The following CRYL1 variants were observed in gnomAD, a reference collection of about 807,000 sequenced individuals.
CRYL1 encodes the protein lambda-crystallin homolog.
CRYL1 carries 29 observed loss-of-function variants against 36.6 expected under a neutral mutation model. The ratio of observed to expected loss-of-function variants is 0.79; its 90% CI spans 0.59 to 1.08. CRYL1 has a LOEUF of 1.08. CRYL1 is among the 50% of genes least tolerant of loss of function. The pLI is 0.00. For missense variants in CRYL1, 411 were observed against 407.9 expected, an observed-to-expected ratio of 1.01 and a Z score of -0.06; for synonymous variants, 152 against 151.5, an observed-to-expected ratio of 1.00 and a Z score of -0.02.
chr13:20,462,431 C>T (rs1431049456), intron 3 of CRYL1, among the ~76,000 whole-genome samples: 2 of 150,088 alleles, frequency 1.3e-5, no homozygotes, highest in Admixed American at 1.3e-4. Flanking sequence ...AGCCAGGCCT[C>T]TTAGGAAGAG....
At chr13:20,514,768 A>G (rs570707429) in intron 1 of CRYL1, among the ~76,000 whole-genome samples, 1 of 152,322 alleles carries the variant, frequency 6.6e-6, no homozygotes, top group African/African-American at 2.4e-5. Context: ...GTGAGATGAC[A>G]TATGAAAACT....
intron 5 of CRYL1, among the ~76,000 whole-genome samples, chr13:20,423,151 AATTT>A (rs1475978115): frequency 1.3e-4 from 20 of 152,296 alleles, no homozygotes; most frequent in African/African-American, 4.6e-4. Flanking sequence ...AACTTTACTG[AATTT>A]ATTTATCAGT....
chr13:20,434,598 C>G (rs1356948641), intron 4 of CRYL1, among the ~76,000 whole-genome samples: 1 of 143,806 alleles, frequency 7.0e-6, no homozygotes, highest in East Asian at 2.1e-4. Flanking sequence ...CACCCACACC[C>G]ACACGCGCCC....
intron 3 of CRYL1, among the ~76,000 whole-genome samples, chr13:20,459,071 T>TA (rs1177863728): frequency 1.3e-5 from 2 of 151,704 alleles, no homozygotes; most frequent in East Asian, 3.9e-4. Context: ...CCGTCTCTAC[T>TA]AAAAAATACA....
intron 3 of CRYL1, among the ~76,000 whole-genome samples, chr13:20,445,582 A>G (rs989518400): frequency 1.3e-5 from 2 of 152,188 alleles, no homozygotes; most frequent in Non-Finnish European, 2.9e-5. Context: ...TTCATAAGCA[A>G]TGTCTCATAC....
At chr13:20,446,116 T>C (rs1333989394) in intron 3 of CRYL1, among the ~76,000 whole-genome samples, 3 of 152,206 alleles carry the variant, frequency 2.0e-5, no homozygotes, top group African/African-American at 7.2e-5. Flanking sequence ...ATTTATTTTT[T>C]ATTTATTTAT....
chr13:20,512,487 A>G lies in CRYL1; in HGVS notation c.105T>C (p.Tyr35=). 2 of 1,614,156 alleles carry G rather than the reference A, an allele frequency of 1.2e-6. No homozygotes were observed. The highest frequency in any genetic ancestry group is 1.7e-6 in the Non-Finnish European group (2 of 1,180,006). ...FASGGFQVKL[Y]DIEQQQIRNA... ...TCCTTATCTGCTGTTGCTCAATGTC[A>G]TAGAGTTTCACCTGGAAGCCTCCAC... Residue 35 remains tyrosine (Y), a synonymous_variant, in exon 2 of 8, where the codon TAT becomes TAC. Transcript: ENST00000298248.
At chr13:20,416,101 C>T (rs2031656511) in intron 5 of CRYL1, among the ~76,000 whole-genome samples, 1 of 151,808 alleles carries the variant, frequency 6.6e-6, no homozygotes, top group Non-Finnish European at 1.5e-5. Flanking sequence ...GAAGAGGTCC[C>T]GTCGCGCCTC....
At chr13:20,460,758 A>C (rs9578282) in intron 3 of CRYL1, among the ~76,000 whole-genome samples, 8,885 of 152,072 alleles carry the variant, frequency 0.058, 850 homozygotes, top group African/African-American at 0.2. Context: ...ATCTCCTGAC[A>C]TCGTGATCTG....
intron 3 of CRYL1, among the ~76,000 whole-genome samples, chr13:20,450,853 C>T: frequency 6.6e-6 from 1 of 152,054 alleles, no homozygotes; most frequent in Non-Finnish European, 1.5e-5. Flanking sequence ...AAATGTGGCA[C>T]ATATACACCA....
rs904560371 is a variant in CRYL1 at position 20,422,717 on chromosome 13, C to T, written c.634-9330G>A. On this transcript the variant is annotated intron_variant, in intron 5 of 7. Coordinates refer to ENST00000298248, the MANE Select transcript of CRYL1 (RefSeq NM_015974.3). ...TGGAAAAGTCTTGCACTCCTGCTCT[C>T]CTTTTGGAAGAGCCCCACATTCCAA... Among the ~76,000 whole-genome samples the T allele has an allele frequency of 2.0e-5, 3 of 152,238 alleles. No individual in the cohort carries two copies. The South Asian group carries it at 6.2e-4, about 32-fold the overall frequency.
intron 2 of CRYL1, among the ~76,000 whole-genome samples, chr13:20,494,660 CT>C (rs1474687703): frequency 5.3e-5 from 8 of 152,212 alleles, no homozygotes; most frequent in African/African-American, 1.9e-4. Context: ...AACTTTTAGC[CT>C]TTTTTCCCAA....
chr13:20,429,080 T>C (rs904181668), intron 5 of CRYL1, among the ~76,000 whole-genome samples: 12 of 152,150 alleles, frequency 7.9e-5, no homozygotes, highest in African/African-American at 2.7e-4. Flanking sequence ...GCTCATTCCA[T>C]TCACTACAGT....
At chr13:20,405,168 G>A (rs1187651939) in intron 6 of CRYL1, among the ~76,000 whole-genome samples, 1 of 152,178 alleles carries the variant, frequency 6.6e-6, no homozygotes, top group African/African-American at 2.4e-5. Flanking sequence ...CTACTCAGGA[G>A]GCTGAGGCAG....
intron 3 of CRYL1, among the ~76,000 whole-genome samples, chr13:20,445,452 C>T (rs1433631189): frequency 6.6e-6 from 1 of 152,158 alleles, no homozygotes; most frequent in Non-Finnish European, 1.5e-5. Context: ...TTCACAAGGA[C>T]TGAAACTTGG....
At chr13:20,514,729 T>A (rs1007715022) in intron 1 of CRYL1, among the ~76,000 whole-genome samples, 10 of 152,210 alleles carry the variant, frequency 6.6e-5, no homozygotes, top group African/African-American at 2.4e-4. Flanking sequence ...ACCATATTAA[T>A]GTAAGATGTT....
In CRYL1 at chr13:20,436,346, A is replaced by C. The variant is rs187873572; in HGVS notation, c.438+3247T>G. ...CCTCTTTGTAAAGTGTGGCTAAACT[A>C]TCAGTAGAAAACTGCCACTCTGTCA... On this transcript the variant is annotated intron_variant, in intron 4 of 7. Transcript: ENST00000298248. Among the ~76,000 whole-genome samples the C allele has an allele frequency of 3.4e-4, 52 of 152,312 alleles. 1 individual carries two copies. The highest frequency in any genetic ancestry group is 1.2e-3 in the African/African-American group (50 of 41,576).
At chr13:20,476,309 C>T (rs1335239879) in intron 3 of CRYL1, among the ~76,000 whole-genome samples, 4 of 149,634 alleles carry the variant, frequency 2.7e-5, no homozygotes, top group South Asian at 2.1e-4. Flanking sequence ...GAGCCAAGAT[C>T]GCGCCACTGC....
intron 2 of CRYL1, among the ~76,000 whole-genome samples, chr13:20,494,768 ACAGCAAG>A (rs1167789674): frequency 6.6e-6 from 1 of 152,192 alleles, no homozygotes; most frequent in Non-Finnish European, 1.5e-5. Flanking sequence ...TCCCATGGAG[ACAGCAAG>A]CAGTGGCAAG....
Sources: gnomAD v4.1 joint callset for allele counts (sites outside exome capture counted in the v4.1 genomes callset) on GRCh38, gnomAD v4.1.1 for gene constraint, MANE v1.5 for transcripts, NCBI Gene and HGNC (gene_info 2026-07-23, HGNC 2026-07-21) for gene names.